ZC3H4: variants seen among roughly 807,000 people sequenced by gnomAD.
ZC3H4 encodes zinc finger CCCH-type containing 4.
A neutral mutation model predicts 108.3 loss-of-function variants in ZC3H4; 13 were observed. The ratio of observed to expected loss-of-function variants is 0.12; its 90% CI spans 0.08 to 0.19. The LOEUF (loss-of-function observed/expected upper bound fraction) is 0.19. ZC3H4 is among the 10% of genes least tolerant of loss of function. ZC3H4 has a pLI of 1.00. For synonymous variants in ZC3H4, 917 were observed against 749.6 expected (o/e 1.22, Z -3.65); for missense variants, 1,734 against 1,838.8 (o/e 0.94, Z 1.04).
rs758397114 is a variant in ZC3H4, at chr19:47,089,956, G to T, written c.715+11C>A. The T allele has an allele frequency of 5.6e-6, 9 of 1,613,716 alleles. No homozygotes were observed. In the South Asian group the frequency reaches 8.8e-5, roughly 16 times the overall value. ...ATGCCCCAGAGGAGAAACTGTAAGG[G>T]CAGGGCTCACCTCGGCCGCGGCTGC... On this transcript the variant is annotated intron_variant, in intron 5 of 14. Coordinates refer to ENST00000253048, the MANE Select transcript of ZC3H4 (RefSeq NM_015168.2).
chr19:47,103,669 G>A (rs1056394697), intron 2 of ZC3H4, among the ~76,000 whole-genome samples: 6 of 149,894 alleles, frequency 4.0e-5, no homozygotes, highest in African/African-American at 1.5e-4. Context: ...GCTCATGCCT[G>A]TAATCCCAGC....
At chr19:47,078,109 T>A (rs537837880) in intron 11 of ZC3H4, among the ~76,000 whole-genome samples, 27 of 152,098 alleles carry the variant, frequency 1.8e-4, no homozygotes, top group African/African-American at 5.5e-4. Flanking sequence ...ACTTAAAAAA[T>A]TTTTTTTCCA....
intron 11 of ZC3H4, among the ~76,000 whole-genome samples, chr19:47,078,927 T>C (rs761029526): frequency 4.6e-4 from 69 of 149,816 alleles, no homozygotes; most frequent in Non-Finnish European, 7.4e-4. Context: ...CTGTGGAGGC[T>C]GAGGCAGGAG....
At chr19:47,071,252 C>T (rs568434134) in intron 13 of ZC3H4, among the ~76,000 whole-genome samples, 3 of 152,336 alleles carry the variant, frequency 2.0e-5, no homozygotes, top group African/African-American at 7.2e-5. Flanking sequence ...TGGCCCTCCT[C>T]CAGAGGGCTG....
chr19:47,100,891 T>A (rs2057895534), intron 2 of ZC3H4, among the ~76,000 whole-genome samples: 1 of 151,676 alleles, frequency 6.6e-6, no homozygotes. Context: ...AGAAACAGGG[T>A]TTCGCCATGT....
At chr19:47,079,033 A>AT (rs1169182902) in intron 11 of ZC3H4, among the ~76,000 whole-genome samples, 2,064 of 135,090 alleles carry the variant, frequency 0.015, 40 homozygotes, top group African/African-American at 0.042. Context: ...TTTCATTTCC[A>AT]TTTTTTTTTT....
chr19:47,111,374 T>TTA (rs2058036950), intron 2 of ZC3H4, among the ~76,000 whole-genome samples: 1 of 152,098 alleles, frequency 6.6e-6, no homozygotes, highest in Non-Finnish European at 1.5e-5. Context: ...GTTTCGGACT[T>TTA]AATAAAGAGA....
intron 5 of ZC3H4, among the ~76,000 whole-genome samples, chr19:47,089,547 A>G (rs1224069075): frequency 6.6e-6 from 1 of 152,104 alleles, no homozygotes; most frequent in Non-Finnish European, 1.5e-5. Flanking sequence ...CTTCCTCCCA[A>G]AGGACACAGG....
intron 2 of ZC3H4, among the ~76,000 whole-genome samples, chr19:47,103,457 C>T (rs541152398): frequency 6.0e-4 from 92 of 152,270 alleles, no homozygotes; most frequent in African/African-American, 2.0e-3. Flanking sequence ...GCATGCACCA[C>T]CATGCCCAGC....
chr19:47,067,535 G>T lies in ZC3H4; in HGVS notation c.2733C>A (p.Gly911=). ...GCCCAGACCCCTTGGAACTGCTGGG[G>T]CCCACAGGGCTGGAATGAAGGCTGC... is the stretch of plus-strand genomic sequence containing the variant. The part of the protein sequence containing the change: ...PEGSLHSSPV[G]PSSSKGSGPP... Residue 911 remains glycine (G), a synonymous_variant, in exon 15 of 15, where the codon GGC becomes GGA. Coordinates refer to ENST00000253048, the MANE Select transcript of ZC3H4 (RefSeq NM_015168.2). This position sits in a 1 kb window ranked among gnomAD's most constrained non-coding sequence, Gnocchi z 6.4. 2 of 1,597,688 alleles carry T rather than the reference G, an allele frequency of 1.3e-6. No individual in the cohort carries two copies. The highest frequency in any genetic ancestry group is 1.1e-5 in the South Asian group (1 of 88,612).
At chr19:47,113,071 G>T (rs992890017) in intron 1 of ZC3H4, among the ~76,000 whole-genome samples, 7 of 152,260 alleles carry the variant, frequency 4.6e-5, no homozygotes, top group African/African-American at 1.7e-4. Context: ...CGCCCTGGGT[G>T]CCCCGGCTGC....
intron 2 of ZC3H4, among the ~76,000 whole-genome samples, chr19:47,106,098 G>A (rs913786421): frequency 3.3e-5 from 5 of 152,216 alleles, no homozygotes; most frequent in African/African-American, 1.2e-4. Context: ...GCACTCAGAA[G>A]GGCTCTGGCA....
chr19:47,066,203 T>A lies in ZC3H4; in HGVS notation c.*153A>T, dbSNP rs1599946733. ...ACAAATCTCAAAGAAAGTACTACTT[T>A]AAAAAAAAATAAAAGAGACGGAAAG... On this transcript the variant is annotated 3_prime_UTR_variant, in exon 15 of 15. Transcript: ENST00000253048. The A allele has an allele frequency of 5.7e-5, 33 of 583,304 alleles. No individual in the cohort carries two copies. The highest frequency in any genetic ancestry group is 9.7e-5 in the East Asian group (3 of 30,886). 36.1% of individuals were successfully genotyped at this position (583,304 alleles called of 1,614,324 possible).
Position 47,094,255 on chromosome 19 carries a change from A to G in ZC3H4, c.381+134T>C. 3 of 1,163,148 alleles carry G rather than the reference A, an allele frequency of 2.6e-6. No homozygotes were observed. The South Asian group carries it at 4.3e-5, about 17-fold the overall frequency. 72.1% of individuals were successfully genotyped at this position (1,163,148 alleles called of 1,614,324 possible). ...CATAAGCTACCAACTCTTTTAAAAA[A>G]GGTCTTTATCCAATTTGAGATAAGC... On this transcript the variant is annotated intron_variant, in intron 3 of 14. Coordinates refer to ENST00000253048, the MANE Select transcript of ZC3H4 (RefSeq NM_015168.2).
intron 2 of ZC3H4, chr19:47,110,921 T>A: frequency 1.0e-6 from 1 of 985,106 alleles, no homozygotes; most frequent in Non-Finnish European, 1.2e-6. Context: ...TGTCTCTGAA[T>A]GTGGGTGGCA....
rs548915051 is a variant in ZC3H4, at chr19:47,112,468, G to A, written c.117C>T (p.Ala39=). 4.1e-6 allele frequency: 5 copies of A among 1,207,858 alleles called. No homozygotes were observed. Among genetic ancestry groups the A allele is most frequent in the Admixed American group, 4.2e-5 (1 of 23,660 alleles). 74.8% of individuals were successfully genotyped at this position (1,207,858 alleles called of 1,614,324 possible). ...PPPCSPDARP[A]TPHLLHHRLP... Reference sequence around the variant, plus strand: ...GGCGGTGGTGGAGGAGGTGCGGGGTGGCCGGGCGGGCGTCGGGGGAACACG... The same window carrying A: ...GGCGGTGGTGGAGGAGGTGCGGGGTAGCCGGGCGGGCGTCGGGGGAACACG... Residue 39 remains alanine (A), a synonymous_variant, in exon 2 of 15, where the codon GCC becomes GCT. Coordinates refer to ENST00000253048, the MANE Select transcript of ZC3H4 (RefSeq NM_015168.2).
chr19:47,109,188 C>A (rs1489495167), intron 2 of ZC3H4, among the ~76,000 whole-genome samples: 1 of 152,024 alleles, frequency 6.6e-6, no homozygotes, highest in African/African-American at 2.4e-5. Context: ...ATTTCAAAAA[C>A]AGATTACCAA....
Position 47,085,048 on chromosome 19 carries a change from CA to C in ZC3H4, c.1107+7del. ...CCCAAACATCAGATCAGAGTGGAGT[CA>C]ACTCACGCCCATGTCCTCGTCATAG... On this transcript the variant is annotated splice_region_variant and intron_variant, in intron 8 of 14. Coordinates refer to ENST00000253048, the MANE Select transcript of ZC3H4 (RefSeq NM_015168.2). 1 of 1,614,150 alleles carries C rather than the reference CA, an allele frequency of 6.2e-7. No individual in the cohort carries two copies. Among genetic ancestry groups the C allele is most frequent in the Non-Finnish European group, 8.5e-7 (1 of 1,179,998 alleles).
Position 47,109,769 on chromosome 19 carries a change from T to C in ZC3H4, c.161+2655A>G, listed in dbSNP as rs74958418. On this transcript the variant is annotated intron_variant, in intron 2 of 14. Coordinates refer to ENST00000253048, the MANE Select transcript of ZC3H4 (RefSeq NM_015168.2). ...GTAAGAAGGAAAAAAACAAAACGGT[T>C]CTTTTGGAGAGGGCCAGGGTTCTCT... Among the ~76,000 whole-genome samples, 903 of 152,308 alleles carry C rather than the reference T, an allele frequency of 5.9e-3. 15 individuals carry two copies. The highest frequency in any genetic ancestry group is 0.051 in the Middle Eastern group (15 of 294).
Sources: gnomAD v4.1 joint callset for allele counts (sites outside exome capture counted in the v4.1 genomes callset) on GRCh38, gnomAD v4.1.1 for gene constraint, Gnocchi (gnomAD v3.1) non-coding constraint, MANE v1.5 for transcripts, NCBI Gene and HGNC (gene_info 2026-07-23, HGNC 2026-07-21) for gene names.